The following BANK1 variants were observed in gnomAD, a reference collection of about 807,000 sequenced individuals.
BANK1 encodes B-cell scaffold protein with ankyrin repeats.
A neutral mutation model predicts 94.5 loss-of-function variants in BANK1; 95 were observed. The ratio of observed to expected loss-of-function variants is 1.00; its 90% CI spans 0.85 to 1.19. The LOEUF (loss-of-function observed/expected upper bound fraction) is 1.19. BANK1 is among the 50% of genes most tolerant of loss of function. The pLI is 0.00. For synonymous variants in BANK1, 334 were observed against 308.4 expected (o/e 1.08, Z -0.87); for missense variants, 987 against 932.2 (o/e 1.06, Z -0.77).
intron 10 of BANK1, among the ~76,000 whole-genome samples, chr4:102,038,842 A>G (rs1322079770): frequency 6.6e-6 from 1 of 152,192 alleles, no homozygotes; most frequent in Non-Finnish European, 1.5e-5. Context: ...GATTTCCCAA[A>G]TCTTCCTTTA....
chr4:101,907,271 A>G (rs1011695229), intron 6 of BANK1, among the ~76,000 whole-genome samples: 1 of 152,224 alleles, frequency 6.6e-6, no homozygotes, highest in African/African-American at 2.4e-5. Flanking sequence ...AATAAATGTA[A>G]TCCAGCATAT....
intron 4 of BANK1, among the ~76,000 whole-genome samples, chr4:101,868,649 A>G (rs78786312): frequency 0.032 from 4,898 of 152,000 alleles, 279 homozygotes; most frequent in African/African-American, 0.11. Flanking sequence ...ACTCTCTTCT[A>G]TTTGAGTCCT....
rs1355379984 is a variant in BANK1, at chr4:101,828,411, C to A, written c.71-1397C>A. On this transcript the variant is annotated intron_variant, in intron 1 of 16. Transcript: ENST00000322953. ...TATATATATATATATATATATATATCTCCATATATATCTACCACCTAGATC... is the reference window on the plus strand; with the variant it reads ...TATATATATATATATATATATATATATCCATATATATCTACCACCTAGATC... Among the ~76,000 whole-genome samples the A allele has an allele frequency of 2.3e-4, 31 of 134,582 alleles. 1 individual carries two copies. Among genetic ancestry groups the A allele is most frequent in the African/African-American group, 5.6e-4 (20 of 35,476 alleles). 88.3% of individuals were successfully genotyped at this position (134,582 alleles called of 152,430 possible).
Position 102,026,841 on chromosome 4 carries a change from A to G in BANK1, c.1594+1332A>G, listed in dbSNP as rs947043719. Among the ~76,000 whole-genome samples the G allele has an allele frequency of 7.3e-5, 11 of 151,384 alleles. No homozygotes were observed. The South Asian group carries it at 1.0e-3, about 14-fold the overall frequency. ...CCATCTCAAAAAAAAAAAAAAAAAA[A>G]GGAATTTAGCATTTGTGTCATTGAA... On this transcript the variant is annotated intron_variant, in intron 9 of 16. Transcript: ENST00000322953.
chr4:102,045,657 C>G (rs1727854345), intron 11 of BANK1, among the ~76,000 whole-genome samples: 1 of 151,946 alleles, frequency 6.6e-6, no homozygotes, highest in African/African-American at 2.4e-5. Flanking sequence ...ATCAGACAAA[C>G]AGAGAGCCAA....
intron 7 of BANK1, among the ~76,000 whole-genome samples, chr4:101,932,479 A>G (rs1174100909): frequency 2.0e-5 from 3 of 151,460 alleles, no homozygotes; most frequent in Admixed American, 6.6e-5. Flanking sequence ...TTAAATATTT[A>G]TATGTAAAAA....
chr4:102,072,295 A>G, intron 14 of BANK1, 50 bp from the exon 15 acceptor site: 2 of 1,366,632 alleles, frequency 1.5e-6, no homozygotes, highest in East Asian at 2.3e-5. Flanking sequence ...TAAATAAATC[A>G]TCAAATTTGT....
At chr4:101,896,149 A>G (rs1004709279) in intron 6 of BANK1, among the ~76,000 whole-genome samples, 1 of 151,964 alleles carries the variant, frequency 6.6e-6, no homozygotes, top group Admixed American at 6.6e-5. Flanking sequence ...TACATGAAAA[A>G]TTATATTTCC....
rs1560638181 is a variant in BANK1 at position 101,930,775 on chromosome 4, T to C, written c.1206+12586T>C. Among the ~76,000 whole-genome samples the C allele has an allele frequency of 2.0e-5, 3 of 151,502 alleles. No homozygotes were observed. The South Asian group carries it at 6.2e-4, about 31-fold the overall frequency. On this transcript the variant is annotated intron_variant, in intron 7 of 16. Coordinates refer to ENST00000322953, the MANE Select transcript of BANK1 (RefSeq NM_017935.5). ...AGAGATGAGTTTTGAACCCAGGCAG[T>C]GTAGCTCTACATGCTTTAACATGGC...
intron 7 of BANK1, among the ~76,000 whole-genome samples, chr4:101,927,499 T>C (rs1023736792): frequency 1.3e-5 from 2 of 151,596 alleles, no homozygotes; most frequent in Non-Finnish European, 3.0e-5. Flanking sequence ...GAAGGACAGA[T>C]AAGACCTGAC....
intron 4 of BANK1, 124 bp from the exon 5 acceptor site, chr4:101,870,381 A>T: frequency 1.2e-6 from 1 of 802,048 alleles, no homozygotes; most frequent in Non-Finnish European, 1.7e-6. Flanking sequence ...AAATGATTTT[A>T]AGTGCTAGAG....
chr4:101,992,117 T>C (rs1725729261), intron 7 of BANK1, among the ~76,000 whole-genome samples: 2 of 152,182 alleles, frequency 1.3e-5, no homozygotes, highest in African/African-American at 4.8e-5. Flanking sequence ...GCTAGTAGAT[T>C]GTCATGCTAA....
intron 7 of BANK1, among the ~76,000 whole-genome samples, chr4:101,999,714 T>C (rs1725996848): frequency 6.6e-6 from 1 of 152,200 alleles, no homozygotes; most frequent in Non-Finnish European, 1.5e-5. Context: ...CAAATACTTT[T>C]GTAGAGCTAA....
intron 2 of BANK1, among the ~76,000 whole-genome samples, chr4:101,852,648 T>C (rs1319859123): frequency 1.3e-5 from 2 of 151,352 alleles, no homozygotes; most frequent in Admixed American, 6.6e-5. Flanking sequence ...TTTTCAGTTA[T>C]ATCGTAAACT....
chr4:101,937,514 G>A lies in BANK1; in HGVS notation c.1206+19325G>A, dbSNP rs139169805. The stretch of plus-strand genomic sequence containing the variant: ...ATGTTCATCATCACTGGTCATTAGA[G>A]AAATGCAAGTCAAAACCACAATGAG... On this transcript the variant is annotated intron_variant, in intron 7 of 16. Transcript: ENST00000322953. 4.7e-3 allele frequency among the ~76,000 whole-genome samples: 708 copies of A among 152,084 alleles called. 13 individuals carry two copies. In the East Asian group the frequency reaches 0.056, roughly 12 times the overall value.
chr4:102,003,606 C>A (rs910287992), intron 7 of BANK1, among the ~76,000 whole-genome samples: 2 of 152,044 alleles, frequency 1.3e-5, no homozygotes, highest in African/African-American at 4.8e-5. Context: ...GACCTAGTTG[C>A]AGAAGTCATA....
chr4:102,027,008 T>A (rs888350807), intron 9 of BANK1, among the ~76,000 whole-genome samples: 3 of 152,108 alleles, frequency 2.0e-5, no homozygotes, highest in African/African-American at 7.2e-5. Context: ...TCAACAGATA[T>A]TTATTACCTA....
At chr4:101,909,714 T>G (rs1167344727) in intron 6 of BANK1, among the ~76,000 whole-genome samples, 6 of 152,316 alleles carry the variant, frequency 3.9e-5, no homozygotes, top group Admixed American at 2.0e-4. Context: ...GGCCAGTTTA[T>G]GCCCAGATTT....
At chr4:101,854,150 G>C (rs948275703) in intron 2 of BANK1, among the ~76,000 whole-genome samples, 4 of 152,026 alleles carry the variant, frequency 2.6e-5, no homozygotes, top group Non-Finnish European at 4.4e-5. Flanking sequence ...TTCCCTTCTT[G>C]GGGGGTTTCA....
Sources: gnomAD v4.1 joint callset for allele counts (sites outside exome capture counted in the v4.1 genomes callset) on GRCh38, gnomAD v4.1.1 for gene constraint, MANE v1.5 for transcripts, NCBI Gene and HGNC (gene_info 2026-07-23, HGNC 2026-07-21) for gene names.